Variants in ST7 observed in about 807,000 individuals in gnomAD.
ST7 encodes suppressor of tumorigenicity 7 protein.
A neutral mutation model predicts 78.7 loss-of-function variants in ST7; 28 were observed. The observed-to-expected ratio is 0.36, with a 90% CI of 0.26 to 0.49. ST7 has a LOEUF of 0.49. ST7 is among the 20% of genes least tolerant of loss of function. ST7 has a pLI of 0.99. For missense variants in ST7, 418 were observed against 696.0 expected (o/e 0.60, Z 4.49); for synonymous variants, 247 against 249.6 (o/e 0.99, Z 0.10).
intron 1 of ST7, among the ~76,000 whole-genome samples, chr7:117,083,269 GT>G (rs1338694314): frequency 6.6e-6 from 1 of 151,444 alleles, no homozygotes; most frequent in Non-Finnish European, 1.5e-5. Flanking sequence ...TTGTTTGTTT[GT>G]TTTTTGAGAT....
chr7:117,033,628 T>TG (rs535674164), intron 1 of ST7, among the ~76,000 whole-genome samples: 5 of 152,246 alleles, frequency 3.3e-5, no homozygotes, highest in African/African-American at 1.2e-4. Flanking sequence ...TTTACTGTGT[T>TG]GGCCAGTCTG....
intron 1 of ST7, among the ~76,000 whole-genome samples, chr7:117,049,285 T>C (rs1313787205): frequency 1.3e-5 from 2 of 152,232 alleles, no homozygotes; most frequent in African/African-American, 4.8e-5. Context: ...TAGGGCACTT[T>C]CGTCTACATT....
rs1253940938 is a variant in ST7, at chr7:117,190,002, A to G, written c.1151+609A>G. ...GTTCATAAACTCTTACGCTTCCCCA[A>G]TATAATCCCTCTGTAGCATCGAAAG... On this transcript the variant is annotated intron_variant, in intron 11 of 15. Coordinates refer to ENST00000323984, the MANE Select transcript of ST7 (RefSeq NM_001369598.1). The surrounding 1 kb of genome is among the most constrained non-coding windows in gnomAD (Gnocchi z 5.2). 1 of 153,632 alleles carries G rather than the reference A, an allele frequency of 6.5e-6. No homozygotes were observed. The highest frequency in any genetic ancestry group is 1.5e-5 in the Non-Finnish European group (1 of 68,076). 9.5% of individuals were successfully genotyped at this position (153,632 alleles called of 1,614,324 possible).
chr7:117,221,553 A>G (rs1263166170), intron 14 of ST7, among the ~76,000 whole-genome samples: 2 of 152,168 alleles, frequency 1.3e-5, no homozygotes, highest in Non-Finnish European at 2.9e-5. Flanking sequence ...GGTTTTGTAC[A>G]ATGAACACGT....
rs1171448160 is a variant in ST7 at position 116,953,560 on chromosome 7, G to A, written c.20G>A (p.Gly7Asp). Residue 7 changes from glycine (G) to aspartate (D), a missense_variant, in exon 1 of 16, where the codon GGC becomes GAC. Gly to Asp is a moderately conservative substitution (Grantham distance 94). Coordinates refer to ENST00000323984, the MANE Select transcript of ST7 (RefSeq NM_001369598.1). MAEAAT[G>D]FLEQLKSCIV... ...TGAAACATGGCTGAAGCGGCCACGG[G>A]CTTTCTGGAGCAGCTCAAGTCCTGC... The A allele has an allele frequency of 6.9e-7, 1 of 1,444,694 alleles. No individual in the cohort carries two copies. Among genetic ancestry groups the A allele is most frequent in the Non-Finnish European group, 9.3e-7 (1 of 1,079,276 alleles). 89.5% of individuals were successfully genotyped at this position (1,444,694 alleles called of 1,614,324 possible). A position where few individuals can be genotyped will look rare whatever the true frequency, so the allele number is the denominator to read the frequency against.
Position 117,040,525 on chromosome 7 carries a change from A to G in ST7, c.152-59237A>G, listed in dbSNP as rs544802461. On this transcript the variant is annotated intron_variant, in intron 1 of 15. Coordinates refer to ENST00000323984, the MANE Select transcript of ST7 (RefSeq NM_001369598.1). ...TTCAATACATGTTTAGTGGGTAGGT[A>G]TATATTTGCTCTTCGCATAGTAAAT... Among the ~76,000 whole-genome samples the G allele has an allele frequency of 2.1e-4, 32 of 152,356 alleles. No individual in the cohort carries two copies. In the South Asian group the frequency reaches 6.4e-3, roughly 31 times the overall value.
At chr7:117,021,964 G>A (rs911282257) in intron 1 of ST7, among the ~76,000 whole-genome samples, 5 of 152,132 alleles carry the variant, frequency 3.3e-5, no homozygotes, top group Admixed American at 6.5e-5. Context: ...CAGGAGCCTA[G>A]GTATGGACAG....
intron 1 of ST7, among the ~76,000 whole-genome samples, chr7:116,998,543 A>T (rs1182078426): frequency 2.0e-5 from 3 of 152,276 alleles, no homozygotes; most frequent in Non-Finnish European, 4.4e-5. Flanking sequence ...GAGGGCTGCC[A>T]GCACACTGTC....
chr7:117,046,002 A>G (rs559242518), intron 1 of ST7, among the ~76,000 whole-genome samples: 1 of 152,330 alleles, frequency 6.6e-6, no homozygotes, highest in African/African-American at 2.4e-5. Context: ...TAGAGGGATA[A>G]TGTATTCATT....
chr7:117,205,109 G>C (rs1454158618), intron 12 of ST7, among the ~76,000 whole-genome samples: 3 of 152,088 alleles, frequency 2.0e-5, no homozygotes, highest in Non-Finnish European at 4.4e-5. Context: ...AGCACAGAAG[G>C]AGTACAAAAG....
chr7:117,138,551 T>C lies in ST7; in HGVS notation c.963+19T>C, dbSNP rs572311448. On this transcript the variant is annotated intron_variant, in intron 9 of 15. Coordinates refer to ENST00000323984, the MANE Select transcript of ST7 (RefSeq NM_001369598.1). The stretch of plus-strand genomic sequence containing the variant: ...GAGAGATGTGAGTTTGAGTTTGTGT[T>C]TGGGATCAGTGGCTTACAGATATAG... The C allele has an allele frequency of 1.1e-5, 17 of 1,558,252 alleles. 1 individual carries two copies. In the South Asian group the frequency reaches 1.9e-4, roughly 17 times the overall value.
At chr7:116,998,691 A>G (rs1300448257) in intron 1 of ST7, among the ~76,000 whole-genome samples, 1 of 152,248 alleles carries the variant, frequency 6.6e-6, no homozygotes, top group East Asian at 1.9e-4. Context: ...TCCAGGACAT[A>G]CTGTCCTCAT....
intron 4 of ST7, 22 bp from the exon 5 acceptor site, chr7:117,130,469 T>A: frequency 6.4e-7 from 1 of 1,559,982 alleles, no homozygotes; most frequent in Non-Finnish European, 8.8e-7. Flanking sequence ...AAGTGTCTAA[T>A]CATCTTATTT....
chr7:117,120,912 G>A lies in ST7; in HGVS notation c.394+1192G>A, dbSNP rs572458725. The stretch of plus-strand genomic sequence containing the variant: ...ACTAAGAGAGACAGCAAAATAACAG[G>A]GACAATGGGAAGGGTATGAACTCTT... On this transcript the variant is annotated intron_variant, in intron 3 of 15. Transcript: ENST00000323984. Among the ~76,000 whole-genome samples, 4 of 152,156 alleles carry A rather than the reference G, an allele frequency of 2.6e-5. No homozygotes were observed. The South Asian group carries it at 8.3e-4, about 32-fold the overall frequency.
chr7:117,223,309 T>C (rs1793233156), intron 15 of ST7: 1 of 280,362 alleles, frequency 3.6e-6, no homozygotes, highest in South Asian at 5.4e-5. Flanking sequence ...CCACCGTCTT[T>C]CTTTTATACT....
rs199708681 is a variant in ST7 at position 117,182,339 on chromosome 7, T to C, written c.1079-6982T>C. Among the ~76,000 whole-genome samples, 19 of 152,282 alleles carry C rather than the reference T, an allele frequency of 1.2e-4. No individual in the cohort carries two copies. In the East Asian group the frequency reaches 3.1e-3, roughly 25 times the overall value. ...TAAGTGTTGGCAGTCATTTTGATGA[T>C]GATAATGGTCATTTAGGGAAGAAGA... On this transcript the variant is annotated intron_variant, in intron 10 of 15. Transcript: ENST00000323984.
intron 1 of ST7, among the ~76,000 whole-genome samples, chr7:117,065,430 C>T (rs1487170941): frequency 1.3e-5 from 2 of 152,090 alleles, no homozygotes; most frequent in Middle Eastern, 3.4e-3. Context: ...AGGATGGTCT[C>T]GATCTCCTGA....
At chr7:117,177,654 G>A (rs919258458) in intron 10 of ST7, among the ~76,000 whole-genome samples, 1 of 152,156 alleles carries the variant, frequency 6.6e-6, no homozygotes. Context: ...AATTACTAAG[G>A]TCATGTAGAA....
In ST7 at chr7:117,134,082, A is replaced by G. The variant is rs774274169; in HGVS notation, c.642-42A>G. 8 of 1,607,738 alleles carry G rather than the reference A, an allele frequency of 5.0e-6. No homozygotes were observed. The Admixed American group carries it at 1.2e-4, about 24-fold the overall frequency. On this transcript the variant is annotated intron_variant, in intron 6 of 15. Transcript: ENST00000323984. ...ATAGTGACTCTCTCTGAATGTTCCTATCAATTTTCATTTTACCAACTATTT... is the reference window on the plus strand; with the variant it reads ...ATAGTGACTCTCTCTGAATGTTCCTGTCAATTTTCATTTTACCAACTATTT...
Sources: gnomAD v4.1 joint callset for allele counts (sites outside exome capture counted in the v4.1 genomes callset) on GRCh38, gnomAD v4.1.1 for gene constraint, Gnocchi (gnomAD v3.1) non-coding constraint, MANE v1.5 for transcripts, NCBI Gene and HGNC (gene_info 2026-07-23, HGNC 2026-07-21) for gene names.